The following SFT2D2 variants were observed in gnomAD, a reference collection of about 807,000 sequenced individuals.
SFT2D2 encodes SFT2 domain containing 2.
SFT2D2 carries 21 observed loss-of-function variants against 27.4 expected under a neutral mutation model. The observed-to-expected ratio is 0.77, with a 90% CI of 0.54 to 1.10. SFT2D2 has a LOEUF of 1.10. SFT2D2 is among the 50% of genes least tolerant of loss of function. The probability of loss-of-function intolerance (pLI) is 0.00; values close to 1 mark genes in which losing one functional copy is unlikely to be tolerated. For synonymous variants in SFT2D2, 72 were observed against 71.7 expected (o/e 1.00, Z -0.02); for missense variants, 187 against 194.2 (o/e 0.96, Z 0.22).
rs77673115 is a variant in SFT2D2 at position 168,232,713 on chromosome 1, A to G, written c.236+794A>G. ...TGACTTGCATGCTCAATGGGTAAGC[A>G]TTGATCACACTCTGTGCTGGGCTCA... is the stretch of plus-strand genomic sequence containing the variant. On this transcript the variant is annotated intron_variant, in intron 3 of 7. Coordinates refer to ENST00000271375, the MANE Select transcript of SFT2D2 (RefSeq NM_199344.3). Among the ~76,000 whole-genome samples the G allele has an allele frequency of 2.0e-3, 303 of 152,284 alleles. 1 individual carries two copies. Among genetic ancestry groups the G allele is most frequent in the African/African-American group, 6.9e-3 (286 of 41,550 alleles).
At chr1:168,232,241 G>C (rs1174668443) in intron 3 of SFT2D2, among the ~76,000 whole-genome samples, 1 of 152,148 alleles carries the variant, frequency 6.6e-6, no homozygotes, top group Non-Finnish European at 1.5e-5. Flanking sequence ...CAGAGATTGA[G>C]TTGATGGTTT....
chr1:168,246,900 T>G lies in SFT2D2; in HGVS notation c.*4360T>G. The G allele has an allele frequency of 3.4e-6, 2 of 593,026 alleles. No individual in the cohort carries two copies. The highest frequency in any genetic ancestry group is 6.2e-6 in the Non-Finnish European group (2 of 322,406). The allele number at this position is 593,026 out of a possible 1,614,324, so 36.7% of individuals were successfully genotyped here. Reference sequence around the variant, plus strand: ...TATAATTTCAATGTCTTTTAAGTATTTCTTTTCCAGGATTTGATTTTTTAT... The same window carrying G: ...TATAATTTCAATGTCTTTTAAGTATGTCTTTTCCAGGATTTGATTTTTTAT... On this transcript the variant is annotated 3_prime_UTR_variant, in exon 8 of 8. Coordinates refer to ENST00000271375, the MANE Select transcript of SFT2D2 (RefSeq NM_199344.3).
Position 168,242,627 on chromosome 1 carries a change from T to TA in SFT2D2, c.*88dup, listed in dbSNP as rs2102334185. ...GTAACTATCTTCGAAACCTCTGTCT[T>TA]ACAGACATGTGCCTTTTATCTTGCA... On this transcript the variant is annotated 3_prime_UTR_variant, in exon 8 of 8. Transcript: ENST00000271375. 6.8e-7 allele frequency: 1 copy of TA among 1,466,534 alleles called. No homozygotes were observed. The highest frequency in any genetic ancestry group is 9.6e-7 in the Non-Finnish European group (1 of 1,045,856). 90.8% of individuals were successfully genotyped at this position (1,466,534 alleles called of 1,614,324 possible).
intron 1 of SFT2D2, among the ~76,000 whole-genome samples, chr1:168,230,640 A>AT (rs1647243782): frequency 6.6e-6 from 1 of 151,924 alleles, no homozygotes; most frequent in Non-Finnish European, 1.5e-5. Context: ...CACCTGGCTA[A>AT]TTTTTTGTAT....
rs1364391000 is a variant in SFT2D2 at position 168,231,591 on chromosome 1, C to G, written c.141C>G (p.Cys47Trp). Residue 47 changes from cysteine to tryptophan, a missense_variant, in exon 2 of 8, where the codon TGC becomes TGG. Coordinates refer to ENST00000271375, the MANE Select transcript of SFT2D2 (RefSeq NM_199344.3). ...FIACFAIGIL[C>W]SLLGTVLLWV... ...CGTGTTTTGCTATAGGAATTCTCTG[C>G]TCACTGCTGGTAAGATTTCCCTTCC... 28 of 1,613,810 alleles carry G rather than the reference C, an allele frequency of 1.7e-5. No homozygotes were observed. Among genetic ancestry groups the G allele is most frequent in the Middle Eastern group, 1.6e-4 (1 of 6,084 alleles).
chr1:168,226,576 G>T (rs1025841488), intron 1 of SFT2D2, among the ~76,000 whole-genome samples: 15 of 151,650 alleles, frequency 9.9e-5, no homozygotes, highest in African/African-American at 3.6e-4. Flanking sequence ...TCCCTACCTC[G>T]CGACGGGGCT....
intron 1 of SFT2D2, among the ~76,000 whole-genome samples, chr1:168,230,554 A>C (rs181170366): frequency 2.0e-5 from 3 of 151,984 alleles, no homozygotes; most frequent in Admixed American, 2.0e-4. Context: ...GCTCACTGCA[A>C]CCTCCACCTC....
chr1:168,235,618 T>C (rs939891081), intron 4 of SFT2D2, among the ~76,000 whole-genome samples: 2 of 152,186 alleles, frequency 1.3e-5, no homozygotes, highest in African/African-American at 2.4e-5. Context: ...TGGGGACTTA[T>C]TACTGTTTTT....
rs2280989 is a variant in SFT2D2 at position 168,242,996 on chromosome 1, G to A, written c.*456G>A. The A allele has an allele frequency of 0.61, 105,832 of 174,256 alleles. 32,698 individuals carry two copies. The highest frequency in any genetic ancestry group is 0.67 in the Non-Finnish European group (53,657 of 80,534). The allele number at this position is 174,256 out of a possible 1,614,324, so 10.8% of individuals were successfully genotyped here. The stretch of plus-strand genomic sequence containing the variant: ...CCGTGGTCCTGCATAGAGTGAGTCT[G>A]CTTCTACTCTGGCATCTGAGAACAA... On this transcript the variant is annotated 3_prime_UTR_variant, in exon 8 of 8. Transcript: ENST00000271375.
intron 4 of SFT2D2, among the ~76,000 whole-genome samples, chr1:168,235,970 A>G (rs1647481239): frequency 6.6e-6 from 1 of 152,258 alleles, no homozygotes; most frequent in African/African-American, 2.4e-5. Context: ...AATGCTGGAC[A>G]CAGAGAATAT....
intron 1 of SFT2D2, among the ~76,000 whole-genome samples, chr1:168,228,235 AT>A (rs775382248): frequency 3.3e-5 from 5 of 152,106 alleles, no homozygotes; most frequent in African/African-American, 7.2e-5. Flanking sequence ...CCTTTAAAAT[AT>A]TGGTACTGAT....
intron 7 of SFT2D2, among the ~76,000 whole-genome samples, chr1:168,240,506 A>G (rs746567411): frequency 2.6e-5 from 4 of 152,192 alleles, no homozygotes; most frequent in Non-Finnish European, 5.9e-5. Context: ...GTTCATCATT[A>G]CTGAGGATCC....
rs1647891578 is a variant in SFT2D2, at chr1:168,248,983, T to C, written c.*6443T>C. The C allele has an allele frequency of 6.6e-6, 1 of 152,222 alleles. No homozygotes were observed. The highest frequency in any genetic ancestry group is 6.5e-5 in the Admixed American group (1 of 15,280). The allele number at this position is 152,222 out of a possible 1,614,324, so 9.4% of individuals were successfully genotyped here. On this transcript the variant is annotated 3_prime_UTR_variant, in exon 8 of 8. Transcript: ENST00000271375. Reference sequence around the variant, plus strand: ...ATTTATTTGATTCTTCTCTCTTTTCTTCTTTATTAGTCTGGCTAGCAGTCT... The same window carrying C: ...ATTTATTTGATTCTTCTCTCTTTTCCTCTTTATTAGTCTGGCTAGCAGTCT...
intron 2 of SFT2D2, 71 bp downstream of exon 2, chr1:168,231,671 C>G: frequency 1.3e-6 from 2 of 1,517,038 alleles, no homozygotes; most frequent in East Asian, 4.5e-5. Flanking sequence ...TTTTGTCCAC[C>G]TCCTTTCCCC....
At chr1:168,238,059 T>C (rs6664426) in intron 6 of SFT2D2, among the ~76,000 whole-genome samples, 92,191 of 151,932 alleles carry the variant, frequency 0.61, 28,364 homozygotes, top group Non-Finnish European at 0.66. Context: ...TCATGTGTTC[T>C]GACTGTGTTT....
rs963189224 is a variant in SFT2D2, at chr1:168,252,004, T to G, written c.*9464T>G. On this transcript the variant is annotated 3_prime_UTR_variant, in exon 8 of 8. Coordinates refer to ENST00000271375, the MANE Select transcript of SFT2D2 (RefSeq NM_199344.3). Reference sequence around the variant, plus strand: ...TTGCACTCAAGAATAGGGGATTTAGTTCCACTTTGGTTATTTTCACTTCTA... The same window carrying G: ...TTGCACTCAAGAATAGGGGATTTAGGTCCACTTTGGTTATTTTCACTTCTA... 1 of 152,224 alleles carries G rather than the reference T, an allele frequency of 6.6e-6. No individual in the cohort carries two copies. Among genetic ancestry groups the G allele is most frequent in the Admixed American group, 6.5e-5 (1 of 15,276 alleles). The allele number at this position is 152,224 out of a possible 1,614,324, so 9.4% of individuals were successfully genotyped here.
At chr1:168,226,955 G>A (rs1326696492) in intron 1 of SFT2D2, among the ~76,000 whole-genome samples, 1 of 152,050 alleles carries the variant, frequency 6.6e-6, no homozygotes, top group East Asian at 1.9e-4. Flanking sequence ...AAGTAGCTGG[G>A]ATTACAGACA....
At chr1:168,231,381 A>G (rs1258796062) in intron 1 of SFT2D2, 133 bp from the exon 2 acceptor site, 4 of 691,786 alleles carry the variant, frequency 5.8e-6, no homozygotes, top group Admixed American at 5.2e-5. Flanking sequence ...GATGACTTAC[A>G]TCGCCTGAGT....
chr1:168,243,101 C>G lies in SFT2D2; in HGVS notation c.*561C>G, dbSNP rs1430877619. On this transcript the variant is annotated 3_prime_UTR_variant, in exon 8 of 8. Transcript: ENST00000271375. Reference sequence around the variant, plus strand: ...AAGAAGCACTTTTTGGTGGTATATGCTGTTTCTGAATTTGAATCTAAGCAT... The same window carrying G: ...AAGAAGCACTTTTTGGTGGTATATGGTGTTTCTGAATTTGAATCTAAGCAT... 6.5e-6 allele frequency: 1 copy of G among 154,176 alleles called. No individual in the cohort carries two copies. Among genetic ancestry groups the G allele is most frequent in the Admixed American group, 6.3e-5 (1 of 15,756 alleles). 9.6% of individuals were successfully genotyped at this position (154,176 alleles called of 1,614,324 possible). A position where few individuals can be genotyped will look rare whatever the true frequency, so the allele number is the denominator to read the frequency against.
Sources: allele counts gnomAD v4.1 joint callset (sites outside exome capture counted in the v4.1 genomes callset), GRCh38; gene constraint gnomAD v4.1.1; transcripts MANE v1.5; gene names NCBI Gene and HGNC (gene_info 2026-07-23, HGNC 2026-07-21).